Variants in DDX31 observed in about 807,000 individuals in gnomAD.
DDX31 encodes the protein ATP-dependent DNA helicase DDX31.
A neutral mutation model predicts 91.3 loss-of-function variants in DDX31; 70 were observed. That is an observed-to-expected ratio of 0.77 (90% CI 0.63 to 0.94). The LOEUF (loss-of-function observed/expected upper bound fraction) is 0.94. Ranked by LOEUF, DDX31 falls within the 40% of genes least tolerant of loss-of-function variation. The probability of loss-of-function intolerance (pLI) is 0.00; values close to 1 mark genes in which losing one functional copy is unlikely to be tolerated. For missense variants in DDX31, 902 were observed against 925.0 expected, an observed-to-expected ratio of 0.98 and a Z score of 0.32; for synonymous variants, 362 against 350.6, an observed-to-expected ratio of 1.03 and a Z score of -0.36.
chr9:132,651,607 C>T (rs1488763940), intron 7 of DDX31, among the ~76,000 whole-genome samples: 2 of 152,138 alleles, frequency 1.3e-5, no homozygotes, highest in Non-Finnish European at 2.9e-5. Context: ...GGGAGATGGT[C>T]GCTCCTCAAG....
chr9:132,636,923 A>G (rs1833154861), intron 14 of DDX31, among the ~76,000 whole-genome samples: 1 of 152,224 alleles, frequency 6.6e-6, no homozygotes, highest in Non-Finnish European at 1.5e-5. Context: ...CCCGCCTATA[A>G]AATGGCTGGG....
rs148160898 is a variant in DDX31 at position 132,653,566 on chromosome 9, T to C, written c.589-1074A>G. Among the ~76,000 whole-genome samples the C allele has an allele frequency of 8.2e-3, 520 of 63,690 alleles. 2 individuals carry two copies. Among genetic ancestry groups the C allele is most frequent in the South Asian group, 0.015 (32 of 2,166 alleles). The allele number at this position is 63,690 out of a possible 152,430, so 41.8% of individuals were successfully genotyped here. On this transcript the variant is annotated intron_variant, in intron 6 of 19. Transcript: ENST00000372159. ...ACAGCCTTCCAATATAAAAAGTTAATAGCAACAAAAAAGATAAAAGGAATA... is the reference window on the plus strand; with the variant it reads ...ACAGCCTTCCAATATAAAAAGTTAACAGCAACAAAAAAGATAAAAGGAATA...
intron 19 of DDX31, among the ~76,000 whole-genome samples, chr9:132,605,285 G>A (rs1830949785): frequency 6.6e-6 from 1 of 152,156 alleles, no homozygotes; most frequent in Non-Finnish European, 1.5e-5. Flanking sequence ...GACAGGTGCT[G>A]GGCATTCGGG....
intron 17 of DDX31, among the ~76,000 whole-genome samples, chr9:132,623,518 A>G (rs1832181292): frequency 7.2e-6 from 1 of 138,298 alleles, no homozygotes; most frequent in Non-Finnish European, 1.5e-5. Context: ...GTGCCACTGT[A>G]CTCCAGCCTG....
chr9:132,599,030 C>CA lies in DDX31; in HGVS notation c.1995-3919dup, dbSNP rs542481518. Among the ~76,000 whole-genome samples the CA allele has an allele frequency of 5.1e-4, 78 of 152,324 alleles. 1 individual carries two copies. The highest frequency in any genetic ancestry group is 1.2e-3 in the Admixed American group (18 of 15,300). ...TCTGTGTGAAAAGCAGTGATGACCA[C>CA]AATGGCGCCCTTCATGGGCTCTACA... On this transcript the variant is annotated intron_variant, in intron 19 of 19. Transcript: ENST00000372159.
chr9:132,623,862 G>A (rs1832215285), intron 17 of DDX31, among the ~76,000 whole-genome samples: 1 of 151,930 alleles, frequency 6.6e-6, no homozygotes, highest in South Asian at 2.1e-4. Context: ...GTATCTGGGG[G>A]AACATTAAAA....
intron 1 of DDX31, among the ~76,000 whole-genome samples, 190 bp from the exon 2 acceptor site, chr9:132,662,885 A>C (rs1835070734): frequency 6.6e-6 from 1 of 152,226 alleles, no homozygotes; most frequent in South Asian, 2.1e-4. Context: ...AGGTAAAGAA[A>C]AGAAAAAAGA....
At chr9:132,639,453 G>C (rs1202444337) in intron 14 of DDX31, among the ~76,000 whole-genome samples, 6 of 152,212 alleles carry the variant, frequency 3.9e-5, no homozygotes, top group Non-Finnish European at 8.8e-5. Context: ...GTGGGCGAGG[G>C]AGAGTTCTCT....
chr9:132,653,059 T>C (rs572596380), intron 6 of DDX31, among the ~76,000 whole-genome samples: 90 of 151,832 alleles, frequency 5.9e-4, no homozygotes, highest in Non-Finnish European at 1.2e-3. Context: ...AAATATGATG[T>C]ATAAAATTAG....
intron 14 of DDX31, among the ~76,000 whole-genome samples, chr9:132,638,818 G>A (rs1283256536): frequency 6.6e-6 from 1 of 152,158 alleles, no homozygotes; most frequent in Non-Finnish European, 1.5e-5. Context: ...TAACCATGAA[G>A]GAAACAGCGT....
intron 13 of DDX31, among the ~76,000 whole-genome samples, chr9:132,642,356 G>A (rs116231694): frequency 0.016 from 2,464 of 152,274 alleles, 79 homozygotes; most frequent in African/African-American, 0.057. Context: ...AGAACAGGAA[G>A]GCACAAGTTA....
At chr9:132,666,974 A>G (rs1247155242) in intron 1 of DDX31, among the ~76,000 whole-genome samples, 1 of 151,690 alleles carries the variant, frequency 6.6e-6, no homozygotes, top group South Asian at 2.1e-4. Flanking sequence ...CGGCCTCCCA[A>G]AGTGCTGGGA....
intron 14 of DDX31, among the ~76,000 whole-genome samples, chr9:132,632,827 T>A (rs879754171): frequency 2.6e-5 from 4 of 152,214 alleles, no homozygotes; most frequent in Admixed American, 6.5e-5. Flanking sequence ...GGAGATTTAT[T>A]TTTTAATTTT....
In DDX31 at chr9:132,618,825, C is replaced by A. The variant is rs183059996; in HGVS notation, c.1714-384G>T. On this transcript the variant is annotated intron_variant, in intron 17 of 19. Transcript: ENST00000372159. ...GGATCTCCTAGGAATCTTCACCTTT[C>A]CCTCACGCGCATCAGTGGAACACCG... Among the ~76,000 whole-genome samples the A allele has an allele frequency of 9.3e-4, 141 of 152,334 alleles. 1 individual carries two copies. The Middle Eastern group carries it at 0.014, about 15-fold the overall frequency.
chr9:132,662,702 T>C lies in DDX31; in HGVS notation c.76-7A>G. ...TTTTCGTAGCCTTTGCTTGCTGCGT[T>C]GTTCCCAGAAGGAAAGATCAACAAG... On this transcript the variant is annotated splice_region_variant and splice_polypyrimidine_tract_variant and intron_variant, in intron 1 of 19. Coordinates refer to ENST00000372159, the MANE Select transcript of DDX31 (RefSeq NM_022779.9). The C allele has an allele frequency of 6.2e-7, 1 of 1,613,930 alleles. No individual in the cohort carries two copies. The highest frequency in any genetic ancestry group is 1.1e-5 in the South Asian group (1 of 91,068).
At chr9:132,648,121 C>T in intron 11 of DDX31, 68 bp downstream of exon 11, 1 of 1,330,306 alleles carries the variant, frequency 7.5e-7, no homozygotes, top group Non-Finnish European at 1.0e-6. Flanking sequence ...GCAAACAACC[C>T]AGGTTAAATC....
intron 1 of DDX31, chr9:132,663,309 C>T (rs1317268276): frequency 7.8e-7 from 1 of 1,288,948 alleles, no homozygotes; most frequent in African/African-American, 1.5e-5. Context: ...ATTCCTACGC[C>T]CTGTTCCCAT....
intron 19 of DDX31, among the ~76,000 whole-genome samples, chr9:132,602,212 C>G (rs147038384): frequency 6.6e-6 from 1 of 152,324 alleles, no homozygotes; most frequent in East Asian, 1.9e-4. Flanking sequence ...AATGGACAGC[C>G]CTGGGGGCTG....
intron 7 of DDX31, among the ~76,000 whole-genome samples, chr9:132,651,348 T>C (rs1474850430): frequency 6.6e-6 from 1 of 152,194 alleles, no homozygotes; most frequent in East Asian, 1.9e-4. Flanking sequence ...TACACAAAAA[T>C]AGTGTTTTGT....
Sources: allele counts gnomAD v4.1 joint callset (sites outside exome capture counted in the v4.1 genomes callset), GRCh38; gene constraint gnomAD v4.1.1; transcripts MANE v1.5; gene names NCBI Gene and HGNC (gene_info 2026-07-23, HGNC 2026-07-21).